Variants in STK4 observed in about 807,000 individuals in gnomAD.
The protein encoded by STK4 is serine/threonine kinase 4, also known as serine/threonine-protein kinase 4.
Under a neutral mutation model 64.9 loss-of-function variants are expected in STK4, and 30 were observed. The observed-to-expected ratio is 0.46, with a 90% CI of 0.35 to 0.63. STK4 has a LOEUF of 0.63. Among genes scored for constraint, STK4 ranks in the 20% least tolerant of loss-of-function variants. The probability of loss-of-function intolerance (pLI) is 0.01; values close to 1 mark genes in which losing one functional copy is unlikely to be tolerated. For missense variants in STK4, 466 were observed against 598.5 expected (o/e 0.78, Z 2.31); for synonymous variants, 177 against 199.0 (o/e 0.89, Z 0.93).
intron 9 of STK4, among the ~76,000 whole-genome samples, chr20:45,023,795 C>T (rs1252200449): frequency 1.3e-5 from 2 of 152,138 alleles, no homozygotes; most frequent in East Asian, 3.9e-4. Context: ...ATCTAAGTCC[C>T]CTTTTACCAG....
chr20:45,040,456 A>G (rs1213489639), intron 10 of STK4, among the ~76,000 whole-genome samples: 1 of 151,948 alleles, frequency 6.6e-6, no homozygotes, highest in Non-Finnish European at 1.5e-5. Flanking sequence ...TCTATTTCTT[A>G]TGTTCAAATG....
intron 2 of STK4, chr20:44,973,012 C>CGCACACTCGTGTATGTGTGTGT (rs2067277751): frequency 6.6e-6 from 1 of 151,468 alleles, no homozygotes; most frequent in Non-Finnish European, 1.5e-5. Context: ...TATGTGTGTG[C>CGCACACTCGTGTATGTGTGTGT]GAGCGCACAC....
At chr20:45,007,823 ATATAT>A (rs1472302256) in intron 9 of STK4, 1 of 420,016 alleles carries the variant, frequency 2.4e-6, no homozygotes, top group East Asian at 7.2e-5. Flanking sequence ...TGATGCATAA[ATATAT>A]TATACCCAGG....
chr20:44,983,008 G>A (rs1209052661), intron 4 of STK4, among the ~76,000 whole-genome samples: 2 of 152,168 alleles, frequency 1.3e-5, no homozygotes, highest in Non-Finnish European at 2.9e-5. Context: ...TTTACAGGAA[G>A]ACTCAAATGA....
intron 5 of STK4, 43 bp downstream of exon 5, chr20:44,987,339 C>T: frequency 6.5e-7 from 1 of 1,547,722 alleles, no homozygotes; most frequent in Non-Finnish European, 8.7e-7. Context: ...TCATTTCTGT[C>T]CTGAGAAGCA....
At chr20:45,048,800 C>A (rs1377465007) in intron 10 of STK4, among the ~76,000 whole-genome samples, 1 of 152,098 alleles carries the variant, frequency 6.6e-6, no homozygotes, top group Non-Finnish European at 1.5e-5. Context: ...TATTTTATAC[C>A]TAAGATGAGC....
intron 10 of STK4, among the ~76,000 whole-genome samples, chr20:45,048,666 G>C (rs536406916): frequency 6.6e-6 from 1 of 152,092 alleles, no homozygotes; most frequent in African/African-American, 2.4e-5. Context: ...ATTTTTAGTA[G>C]AGACGGGGTT....
intron 5 of STK4, among the ~76,000 whole-genome samples, chr20:44,989,447 T>C (rs2145671601): frequency 6.6e-6 from 1 of 152,336 alleles, no homozygotes; most frequent in South Asian, 2.1e-4. Flanking sequence ...CATTTTTAAT[T>C]GGGTTATTTA....
rs1211533295 is a variant in STK4, at chr20:44,999,259, ATAT to A, written c.832-1128_832-1126del. Among the ~76,000 whole-genome samples the A allele has an allele frequency of 7.2e-5, 11 of 152,310 alleles. No homozygotes were observed. In the East Asian group the frequency reaches 2.1e-3, roughly 29 times the overall value. ...TAAGTGGAAAGAACAAGGCAATATG[ATAT>A]TATTGCAAATGAGCTGGGTCTTATT... On this transcript the variant is annotated intron_variant, in intron 7 of 10. Transcript: ENST00000372806.
At chr20:45,021,752 T>G (rs2068252110) in intron 9 of STK4, among the ~76,000 whole-genome samples, 1 of 152,248 alleles carries the variant, frequency 6.6e-6, no homozygotes. Context: ...TTCACTTTGG[T>G]CTTTGCTTTA....
intron 10 of STK4, among the ~76,000 whole-genome samples, chr20:45,048,639 G>T (rs749148573): frequency 7.9e-5 from 12 of 152,002 alleles, no homozygotes; most frequent in Non-Finnish European, 1.8e-4. Flanking sequence ...CCGCCACCAT[G>T]CCCGGCTAAT....
intron 10 of STK4, among the ~76,000 whole-genome samples, chr20:45,052,464 G>GTA (rs1243572016): frequency 6.6e-6 from 1 of 152,068 alleles, no homozygotes; most frequent in Admixed American, 6.5e-5. Flanking sequence ...GGGTCACATA[G>GTA]TAGCCCATCA....
intron 10 of STK4, among the ~76,000 whole-genome samples, chr20:45,068,391 C>T (rs990798567): frequency 6.6e-6 from 1 of 152,128 alleles, no homozygotes; most frequent in Non-Finnish European, 1.5e-5. Context: ...AGTCACTGCA[C>T]GTCAGCAGCA....
intron 7 of STK4, among the ~76,000 whole-genome samples, chr20:44,998,481 CA>C (rs1353121710): frequency 1.3e-5 from 2 of 152,118 alleles, no homozygotes; most frequent in Admixed American, 6.5e-5. Flanking sequence ...TGGGCTAGGC[CA>C]ACCGTTTGCA....
chr20:45,028,209 A>G (rs1315475301), intron 10 of STK4, among the ~76,000 whole-genome samples: 1 of 152,094 alleles, frequency 6.6e-6, no homozygotes, highest in Non-Finnish European at 1.5e-5. Context: ...TCGTTTTATT[A>G]CTTTAAATTC....
At chr20:45,053,935 C>G (rs1426432605) in intron 10 of STK4, among the ~76,000 whole-genome samples, 6 of 151,352 alleles carry the variant, frequency 4.0e-5, no homozygotes, top group Admixed American at 2.6e-4. Context: ...AAAATTTGTC[C>G]CCAGGGAACC....
chr20:45,019,486 C>A (rs1261804047), intron 9 of STK4, among the ~76,000 whole-genome samples: 1 of 152,138 alleles, frequency 6.6e-6, no homozygotes, highest in East Asian at 1.9e-4. Context: ...TTTTACGTAG[C>A]ATTTTTCAAA....
chr20:44,990,850 C>T (rs980600803), intron 5 of STK4, among the ~76,000 whole-genome samples: 6 of 152,076 alleles, frequency 3.9e-5, no homozygotes, highest in Non-Finnish European at 7.4e-5. Context: ...TTTGGATGTC[C>T]GTTTTCACCC....
Position 45,062,989 on chromosome 20 carries a change from CTTTTTTTTTTTTT to C in STK4, c.1306-12011_1306-11999del, listed in dbSNP as rs71197599. On this transcript the variant is annotated intron_variant, in intron 10 of 10. Transcript: ENST00000372806. Reference sequence around the variant, plus strand: ...ACAGGTGTGAGCCACCGCACCCGGCCTTTTTTTTTTTTTTTTTTTTTTTTTTTTTTGGACACAG... The same window carrying C: ...ACAGGTGTGAGCCACCGCACCCGGCCTTTTTTTTTTTTTTTTTGGACACAG... 2.4e-3 allele frequency among the ~76,000 whole-genome samples: 77 copies of C among 31,504 alleles called. 1 individual carries two copies. The highest frequency in any genetic ancestry group is 8.8e-3 in the African/African-American group (63 of 7,162). The allele number at this position is 31,504 out of a possible 152,430, so 20.7% of individuals were successfully genotyped here.
Sources: allele counts gnomAD v4.1 joint callset (sites outside exome capture counted in the v4.1 genomes callset), GRCh38; gene constraint gnomAD v4.1.1; transcripts MANE v1.5; gene names NCBI Gene and HGNC (gene_info 2026-07-23, HGNC 2026-07-21).